Variants in RARB observed in about 807,000 individuals in gnomAD.
RARB encodes the protein retinoic acid receptor beta, also known as HBV-activated protein.
In RARB, 17 loss-of-function variants were observed where a neutral mutation model predicts 51.9. That is an observed-to-expected ratio of 0.33 (90% CI 0.22 to 0.49). RARB has a LOEUF of 0.49. Among genes scored for constraint, RARB ranks in the 20% least tolerant of loss-of-function variants. RARB has a pLI of 0.99. For missense variants in RARB, 369 were observed against 550.8 expected (o/e 0.67, Z 3.30); for synonymous variants, 215 against 195.4 (o/e 1.10, Z -0.84).
At chr3:25,351,117 C>T (rs1705556142) in intron 5 of RARB, among the ~76,000 whole-genome samples, 1 of 152,154 alleles carries the variant, frequency 6.6e-6, no homozygotes, top group South Asian at 2.1e-4. Flanking sequence ...ACTTGGATAT[C>T]CTTATCCTTG....
At chr3:24,911,259 AAC>A (rs1349833816) in intron 2 of RARB, among the ~76,000 whole-genome samples, 9 of 152,206 alleles carry the variant, frequency 5.9e-5, no homozygotes, top group African/African-American at 2.2e-4. Flanking sequence ...TTAAGAAATG[AAC>A]ACACAGACCT....
intron 2 of RARB, among the ~76,000 whole-genome samples, chr3:24,872,068 C>G (rs555956607): frequency 6.6e-6 from 1 of 152,162 alleles, no homozygotes; most frequent in Non-Finnish European, 1.5e-5. Flanking sequence ...TAAGTTAGGT[C>G]ATGACACTTC....
intron 5 of RARB, among the ~76,000 whole-genome samples, chr3:25,328,333 A>T (rs144638013): frequency 0.01 from 1,527 of 152,362 alleles, 10 homozygotes; most frequent in Middle Eastern, 0.027. Flanking sequence ...AAGCCTGCCC[A>T]ACAGGGCAAA....
chr3:25,573,761 C>T (rs1700807443), intron 4 of RARB, among the ~76,000 whole-genome samples: 2 of 152,222 alleles, frequency 1.3e-5, no homozygotes, highest in African/African-American at 2.4e-5. Flanking sequence ...AGAGTGGCAT[C>T]CCTGTCAGAT....
At chr3:25,102,719 A>C (rs1609491) in intron 3 of RARB, among the ~76,000 whole-genome samples, 1 of 151,950 alleles carries the variant, frequency 6.6e-6, no homozygotes. Context: ...AGCTTTCTCA[A>C]TTTCTGAATT....
chr3:24,963,341 C>T (rs1039062157), intron 2 of RARB, among the ~76,000 whole-genome samples: 1 of 150,942 alleles, frequency 6.6e-6, no homozygotes, highest in Non-Finnish European at 1.5e-5. Context: ...AGAGGCAAGA[C>T]ACTGGAAACG....
Position 24,868,410 on chromosome 3 carries a change from C to A in RARB, c.-380+9658C>A, listed in dbSNP as rs557932421. ...CTTTTCAAAATACTTTATATATTAACTCTGTCGTGGCTACTTTCCATTTCT... is the reference window on the plus strand; with the variant it reads ...CTTTTCAAAATACTTTATATATTAAATCTGTCGTGGCTACTTTCCATTTCT... On this transcript the variant is annotated intron_variant, in intron 2 of 11. Coordinates refer to the RARB transcript ENST00000383772. Among the ~76,000 whole-genome samples, 9 of 152,200 alleles carry A rather than the reference C, an allele frequency of 5.9e-5. No individual in the cohort carries two copies. In the East Asian group the frequency reaches 1.5e-3, roughly 26 times the overall value.
chr3:25,534,900 A>G (rs1168375335), intron 3 of RARB, among the ~76,000 whole-genome samples: 1 of 152,158 alleles, frequency 6.6e-6, no homozygotes, highest in African/African-American at 2.4e-5. Flanking sequence ...CCCTTCCTTC[A>G]GGTGCACCCA....
intron 2 of RARB, among the ~76,000 whole-genome samples, chr3:24,981,952 T>C (rs1364868978): frequency 2.6e-5 from 4 of 152,202 alleles, no homozygotes; most frequent in Non-Finnish European, 4.4e-5. Flanking sequence ...GGTGTTTGAG[T>C]GTCTTGAAAA....
At chr3:25,220,566 G>T (rs376162983) in intron 5 of RARB, among the ~76,000 whole-genome samples, 8 of 152,272 alleles carry the variant, frequency 5.3e-5, no homozygotes, top group African/African-American at 1.9e-4. Flanking sequence ...CCGCCCTGCT[G>T]TTCTTGTCTT....
At chr3:24,878,467 A>G (rs1488292310) in intron 2 of RARB, among the ~76,000 whole-genome samples, 1 of 152,106 alleles carries the variant, frequency 6.6e-6, no homozygotes, top group Admixed American at 6.6e-5. Flanking sequence ...GTGGGAAGCA[A>G]AAGAGCTGAC....
intron 5 of RARB, among the ~76,000 whole-genome samples, chr3:25,180,941 C>A (rs1700848348): frequency 6.6e-6 from 1 of 152,042 alleles, no homozygotes; most frequent in Admixed American, 6.5e-5. Context: ...AATAACATTT[C>A]TTTTGCTACA....
At chr3:25,357,338 C>T (rs1705773912) in intron 5 of RARB, among the ~76,000 whole-genome samples, 1 of 152,126 alleles carries the variant, frequency 6.6e-6, no homozygotes, top group African/African-American at 2.4e-5. Flanking sequence ...TGCTCATATC[C>T]TTCTCCCACT....
chr3:25,485,549 C>T (rs1413573376), intron 2 of RARB, among the ~76,000 whole-genome samples: 1 of 152,178 alleles, frequency 6.6e-6, no homozygotes, highest in Non-Finnish European at 1.5e-5. Context: ...AGACAACCCA[C>T]TACCTTCAGA....
intron 5 of RARB, among the ~76,000 whole-genome samples, chr3:25,209,081 T>C (rs1701631624): frequency 6.6e-6 from 1 of 152,206 alleles, no homozygotes. Context: ...CTATTCTCAC[T>C]GTCAGCATAA....
chr3:25,386,297 G>A (rs535236560), intron 5 of RARB, among the ~76,000 whole-genome samples: 1 of 152,306 alleles, frequency 6.6e-6, no homozygotes, highest in Admixed American at 6.5e-5. Context: ...AAGGCATAGA[G>A]GCTGGGGTGG....
At chr3:25,202,909 T>G (rs183800073) in intron 5 of RARB, among the ~76,000 whole-genome samples, 4 of 152,114 alleles carry the variant, frequency 2.6e-5, no homozygotes, top group African/African-American at 9.7e-5. Context: ...AATGTATATT[T>G]TGTTGATTTG....
rs747964713 is a variant in RARB, at chr3:25,569,903, G to C, written c.594G>C (p.Leu198=). 4 of 1,613,934 alleles carry C rather than the reference G, an allele frequency of 2.5e-6. No homozygotes were observed. The African/African-American group carries it at 5.3e-5, about 22-fold the overall frequency. Reference sequence around the variant, plus strand: ...AAACTTTCCCTTCACTCTGCCAGCTGGGTAAATACACCACGGTAAGAGATA... The same window carrying C: ...AAACTTTCCCTTCACTCTGCCAGCTCGGTAAATACACCACGGTAAGAGATA... ...HQETFPSLCQ[L]GKYTTNSSAD... The change falls in exon 4 of 8, where the codon CTG becomes CTC. Residue 198 remains leucine, a synonymous_variant. Coordinates refer to ENST00000330688, the MANE Select transcript of RARB (RefSeq NM_000965.5).
intron 5 of RARB, among the ~76,000 whole-genome samples, chr3:25,253,584 T>C (rs962069969): frequency 6.6e-6 from 1 of 151,884 alleles, no homozygotes; most frequent in Non-Finnish European, 1.5e-5. Flanking sequence ...TCAAAGGTAA[T>C]AGAAAGGAAG....
Sources: allele counts gnomAD v4.1 joint callset (sites outside exome capture counted in the v4.1 genomes callset), GRCh38; gene constraint gnomAD v4.1.1; transcripts MANE v1.5; gene names NCBI Gene and HGNC (gene_info 2026-07-23, HGNC 2026-07-21).